TAOK3: variants seen among roughly 807,000 people sequenced by gnomAD.
The protein encoded by TAOK3 is serine/threonine-protein kinase TAO3.
A neutral mutation model predicts 120.4 loss-of-function variants in TAOK3; 40 were observed. That is an observed-to-expected ratio of 0.33 (90% CI 0.26 to 0.43). TAOK3 has a LOEUF of 0.43. TAOK3 is among the 20% of genes least tolerant of loss of function. The pLI, the probability that TAOK3 is intolerant of heterozygous loss-of-function variation, is 1.00. For missense variants in TAOK3, 821 were observed against 1,112.1 expected, an observed-to-expected ratio of 0.74 and a Z score of 3.72; for synonymous variants, 355 against 387.5, an observed-to-expected ratio of 0.92 and a Z score of 0.99.
intron 1 of TAOK3, among the ~76,000 whole-genome samples, chr12:118,325,831 C>G (rs900959527): frequency 3.9e-5 from 6 of 152,082 alleles, no homozygotes; most frequent in East Asian, 1.9e-4. Context: ...AGGTGCCCAC[C>G]ACCATGTCAG....
chr12:118,223,067 T>TTC, intron 9 of TAOK3, among the ~76,000 whole-genome samples: 1 of 104,348 alleles, frequency 9.6e-6, no homozygotes, highest in South Asian at 3.2e-4. Flanking sequence ...TCTTTCTTTT[T>TTC]TTTTTTTTTT....
At chr12:118,213,103 A>T (rs1373514045) in intron 10 of TAOK3, 108 bp from the exon 11 acceptor site, 7 of 609,076 alleles carry the variant, frequency 1.1e-5, no homozygotes, top group Non-Finnish European at 1.8e-5. Flanking sequence ...AGGAGATTTT[A>T]AAAAAATGCT....
chr12:118,240,654 T>C (rs1011707327), intron 5 of TAOK3, among the ~76,000 whole-genome samples: 1 of 152,144 alleles, frequency 6.6e-6, no homozygotes, highest in African/African-American at 2.4e-5. Context: ...CTTCTTATCC[T>C]AGATTTTTAG....
intron 14 of TAOK3, among the ~76,000 whole-genome samples, chr12:118,188,775 G>A (rs1413567622): frequency 6.6e-6 from 1 of 152,224 alleles, no homozygotes; most frequent in Non-Finnish European, 1.5e-5. Flanking sequence ...TAATAGCCAA[G>A]CAGTGTACAC....
intron 1 of TAOK3, among the ~76,000 whole-genome samples, chr12:118,362,567 A>C (rs971230691): frequency 6.6e-6 from 1 of 152,188 alleles, no homozygotes; most frequent in Non-Finnish European, 1.5e-5. Context: ...TTATTTGTTC[A>C]CAGTCGCAAA....
intron 1 of TAOK3, among the ~76,000 whole-genome samples, chr12:118,332,975 A>AACACACACACACACACACACACAC (rs146893418): frequency 0.036 from 5,393 of 149,522 alleles, 120 homozygotes; most frequent in Admixed American, 0.056. Context: ...CAACAGTTTC[A>AACACACACACACACACACACACAC]ACACACACAC....
intron 1 of TAOK3, among the ~76,000 whole-genome samples, chr12:118,322,312 CAAAA>C (rs372010412): frequency 1.5e-5 from 1 of 65,872 alleles, no homozygotes; most frequent in Non-Finnish European, 2.9e-5. Context: ...GAGACTGTCT[CAAAA>C]AAAAAAAAAA....
At chr12:118,172,367 A>G (rs2036047267) in intron 17 of TAOK3, 90 bp downstream of exon 17, 1 of 1,380,948 alleles carries the variant, frequency 7.2e-7, no homozygotes, top group African/African-American at 1.4e-5. Flanking sequence ...GGCTAGGGAT[A>G]TAGGAATGGA....
At chr12:118,210,574 T>A (rs2038569467) in intron 11 of TAOK3, among the ~76,000 whole-genome samples, 1 of 152,002 alleles carries the variant, frequency 6.6e-6, no homozygotes. Context: ...AGTTTCATGG[T>A]CCCCCTCTTC....
At chr12:118,322,950 G>C (rs570489690) in intron 1 of TAOK3, among the ~76,000 whole-genome samples, 10 of 151,728 alleles carry the variant, frequency 6.6e-5, no homozygotes, top group Admixed American at 6.6e-4. Flanking sequence ...GACCTCAGAT[G>C]ATCCACCCGC....
chr12:118,227,542 T>C (rs1428575715), intron 9 of TAOK3, among the ~76,000 whole-genome samples: 1 of 152,144 alleles, frequency 6.6e-6, no homozygotes, highest in African/African-American at 2.4e-5. Context: ...TACTGAGCAC[T>C]TGCTATATGC....
chr12:118,299,961 ATT>A (rs1171356489), intron 1 of TAOK3, among the ~76,000 whole-genome samples: 2 of 152,008 alleles, frequency 1.3e-5, no homozygotes, highest in African/African-American at 4.8e-5. Flanking sequence ...GGCAGTGGGT[ATT>A]TTTGGCTTTC....
intron 11 of TAOK3, among the ~76,000 whole-genome samples, chr12:118,207,274 C>T (rs922988190): frequency 1.0e-4 from 15 of 149,212 alleles, no homozygotes; most frequent in African/African-American, 2.2e-4. Context: ...TGCCATGAGC[C>T]GAGATCGTGC....
At chr12:118,294,693 T>A (rs971503049) in intron 1 of TAOK3, among the ~76,000 whole-genome samples, 1 of 152,134 alleles carries the variant, frequency 6.6e-6, no homozygotes, top group Non-Finnish European at 1.5e-5. Context: ...ATGAATACAA[T>A]TACACAGCAT....
intron 9 of TAOK3, among the ~76,000 whole-genome samples, chr12:118,223,449 C>T (rs2048708610): frequency 6.6e-6 from 1 of 151,880 alleles, no homozygotes; most frequent in Admixed American, 6.6e-5. Context: ...CGGGTTCACG[C>T]CATTCTCCTG....
At chr12:118,308,460 CA>C (rs1330809718) in intron 1 of TAOK3, among the ~76,000 whole-genome samples, 14 of 151,896 alleles carry the variant, frequency 9.2e-5, no homozygotes, top group Admixed American at 8.5e-4. Context: ...CATACCTAAC[CA>C]AATTCAATTA....
At chr12:118,270,349 T>A (rs1175739657) in intron 1 of TAOK3, among the ~76,000 whole-genome samples, 1 of 152,182 alleles carries the variant, frequency 6.6e-6, no homozygotes, top group Non-Finnish European at 1.5e-5. Context: ...AAAACACTAT[T>A]ACCATAATCA....
Position 118,157,357 on chromosome 12 carries a change from C to T in TAOK3, c.2352+2789G>A, listed in dbSNP as rs78757955. On this transcript the variant is annotated intron_variant, in intron 19 of 20. Coordinates refer to ENST00000392533, the MANE Select transcript of TAOK3 (RefSeq NM_016281.4). The stretch of plus-strand genomic sequence containing the variant: ...ACCCTCCAGTGGCTTTTCATTGTTT[C>T]GGATAAAGACAAAAATTCTTAACAA... Among the ~76,000 whole-genome samples, 460 of 152,254 alleles carry T rather than the reference C, an allele frequency of 3.0e-3. 5 individuals are homozygous for T. Among genetic ancestry groups the T allele is most frequent in the African/African-American group, 1.0e-2 (414 of 41,548 alleles).
At chr12:118,338,917 T>C (rs1369912589) in intron 1 of TAOK3, among the ~76,000 whole-genome samples, 3 of 149,292 alleles carry the variant, frequency 2.0e-5, no homozygotes, top group South Asian at 2.1e-4. Flanking sequence ...AGATGGGAAG[T>C]GGAGAAAAAC....
Sources: gnomAD v4.1 joint callset for allele counts (sites outside exome capture counted in the v4.1 genomes callset) on GRCh38, gnomAD v4.1.1 for gene constraint, MANE v1.5 for transcripts, NCBI Gene and HGNC (gene_info 2026-07-23, HGNC 2026-07-21) for gene names.